EIF1B: variants seen among roughly 807,000 people sequenced by gnomAD.
EIF1B encodes the protein protein translation factor SUI1 homolog GC20.
In EIF1B, 5 loss-of-function variants were observed where a neutral mutation model predicts 14.8. The ratio of observed to expected loss-of-function variants is 0.34; its 90% CI spans 0.18 to 0.71. EIF1B has a LOEUF of 0.71. Ranked by LOEUF, EIF1B falls within the 30% of genes least tolerant of loss-of-function variation. The pLI, the probability that EIF1B is intolerant of heterozygous loss-of-function variation, is 0.64. For missense variants in EIF1B, 56 were observed against 134.0 expected, an observed-to-expected ratio of 0.42 and a Z score of 2.87; for synonymous variants, 45 against 45.8, an observed-to-expected ratio of 0.98 and a Z score of 0.07.
At chr3:40,310,299 G>T (rs1954307997) in intron 1 of EIF1B, among the ~76,000 whole-genome samples, 2 of 152,222 alleles carry the variant, frequency 1.3e-5, no homozygotes, top group Non-Finnish European at 2.9e-5. Flanking sequence ...CCTGCTACTT[G>T]CAAAGGGTAT....
intron 2 of EIF1B, 22 bp downstream of exon 2, chr3:40,311,078 G>A (rs551375221): frequency 6.2e-7 from 1 of 1,610,628 alleles, no homozygotes; most frequent in Non-Finnish European, 8.5e-7. Context: ...AGGAAGAAAG[G>A]ATTAGAGTTA....
chr3:40,311,449 T>A, intron 2 of EIF1B, 21 bp from the exon 3 acceptor site: 1 of 1,576,662 alleles, frequency 6.3e-7, no homozygotes, highest in Non-Finnish European at 8.7e-7. Flanking sequence ...AATTTTGTTG[T>A]ATATTTATGC....
At chr3:40,310,177 G>A (rs541729939) in intron 1 of EIF1B, among the ~76,000 whole-genome samples, 12 of 152,338 alleles carry the variant, frequency 7.9e-5, no homozygotes, top group Admixed American at 1.3e-4. Context: ...TCCTCTCGGA[G>A]CCCCGGCCGC....
At chr3:40,310,764 A>G in intron 1 of EIF1B, 129 bp from the exon 2 acceptor site, 1 of 1,022,524 alleles carries the variant, frequency 9.8e-7, no homozygotes, top group South Asian at 2.1e-5. Flanking sequence ...CCTACCGGCA[A>G]AAACAGCAAA....
chr3:40,312,201 C>G lies in EIF1B; in HGVS notation c.*187C>G, dbSNP rs1954333579. 1.8e-6 allele frequency: 1 copy of G among 556,222 alleles called. No individual in the cohort carries two copies. 34.5% of individuals were successfully genotyped at this position (556,222 alleles called of 1,614,324 possible). ...AGACTAGTAACACATAAGAAAATTGCAGTAAGATGGTAACAAAACCTCATA... is the reference window on the plus strand; with the variant it reads ...AGACTAGTAACACATAAGAAAATTGGAGTAAGATGGTAACAAAACCTCATA... On this transcript the variant is annotated 3_prime_UTR_variant, in exon 4 of 4. Transcript: ENST00000232905.
At chr3:40,310,497 A>G (rs1433061649) in intron 1 of EIF1B, 1 of 186,432 alleles carries the variant, frequency 5.4e-6, no homozygotes, top group African/African-American at 2.3e-5. Context: ...GGCAAGGCAC[A>G]GTTACGGTTA....
rs767428996 is a variant in EIF1B, at chr3:40,309,896, G to T, written c.-46G>T. The T allele has an allele frequency of 1.2e-6, 2 of 1,607,576 alleles. No individual in the cohort carries two copies. Among genetic ancestry groups the T allele is most frequent in the South Asian group, 2.2e-5 (2 of 90,946 alleles). ...CCTCCTGACAAGGTGATCCGGGCGG[G>T]CCCCGCAGGAATTTTATCCCCTCAC... On this transcript the variant is annotated 5_prime_UTR_variant, in exon 1 of 4. Coordinates refer to ENST00000232905, the MANE Select transcript of EIF1B (RefSeq NM_005875.3).
chr3:40,309,772 T>C lies in EIF1B; in HGVS notation c.-170T>C, dbSNP rs2125569177. 2 of 724,060 alleles carry C rather than the reference T, an allele frequency of 2.8e-6. No individual in the cohort carries two copies. The highest frequency in any genetic ancestry group is 2.4e-5 in the Admixed American group (1 of 40,942). 44.9% of individuals were successfully genotyped at this position (724,060 alleles called of 1,614,324 possible). On this transcript the variant is annotated 5_prime_UTR_variant, in exon 1 of 4. Coordinates refer to ENST00000232905, the MANE Select transcript of EIF1B (RefSeq NM_005875.3). ...CTTCCTCCGCCTCCTCCTTCGCCTC[T>C]TCCTGCCTCCTCCCGGCTTCCGCCG...
Position 40,309,828 on chromosome 3 carries a change from G to A in EIF1B, c.-114G>A. 2 of 1,322,746 alleles carry A rather than the reference G, an allele frequency of 1.5e-6. No individual in the cohort carries two copies. The allele number at this position is 1,322,746 out of a possible 1,614,324, so 81.9% of individuals were successfully genotyped here. A position where few individuals can be genotyped will look rare whatever the true frequency, so the allele number is the denominator to read the frequency against. ...ACTCCAGCCTAATCCCAACCCCAGG[G>A]CGAAGCGTTTTCTTATTTATTTCCG... On this transcript the variant is annotated 5_prime_UTR_variant, in exon 1 of 4. Transcript: ENST00000232905.
rs878988278 is a variant in EIF1B at position 40,312,284 on chromosome 3, C to T, written c.*270C>T. The T allele has an allele frequency of 2.8e-5, 8 of 290,590 alleles. No homozygotes were observed. In the South Asian group the frequency reaches 4.8e-4, roughly 17 times the overall value. The allele number at this position is 290,590 out of a possible 1,614,324, so 18.0% of individuals were successfully genotyped here. A position where few individuals can be genotyped will look rare whatever the true frequency, so the allele number is the denominator to read the frequency against. Reference sequence around the variant, plus strand: ...TGAGTGTTTATTGTTCAGTTTATTACGTTTCACTTGATTAAATTTTTTTGT... The same window carrying T: ...TGAGTGTTTATTGTTCAGTTTATTATGTTTCACTTGATTAAATTTTTTTGT... On this transcript the variant is annotated 3_prime_UTR_variant, in exon 4 of 4. Coordinates refer to ENST00000232905, the MANE Select transcript of EIF1B (RefSeq NM_005875.3).
Position 40,311,574 on chromosome 3 carries a change from G to A in EIF1B, c.297+3G>A. On this transcript the variant is annotated splice_donor_region_variant and intron_variant, in intron 3 of 3. Transcript: ENST00000232905. The stretch of plus-strand genomic sequence containing the variant: ...ACATCTGCCAGTTTCTCTTGGAGGT[G>A]AGTGATTGGGTGCTTTATGTGTAAC... 6.2e-7 allele frequency: 1 copy of A among 1,608,020 alleles called. No individual in the cohort carries two copies. Among genetic ancestry groups the A allele is most frequent in the Non-Finnish European group, 8.5e-7 (1 of 1,175,092 alleles).
intron 1 of EIF1B, 74 bp downstream of exon 1, chr3:40,310,046 C>A: frequency 6.3e-7 from 1 of 1,584,396 alleles, no homozygotes; most frequent in Non-Finnish European, 8.6e-7. Context: ...TGGCCACCGC[C>A]CCTAGGGGCC....
chr3:40,311,137 G>T (rs1279708222), intron 2 of EIF1B, 81 bp downstream of exon 2: 7 of 1,373,332 alleles, frequency 5.1e-6, no homozygotes, highest in Non-Finnish European at 6.9e-6. Context: ...TTATATCGGC[G>T]TGGATGAAAA....
intron 1 of EIF1B, 32 bp from the exon 2 acceptor site, chr3:40,310,861 T>G: frequency 6.6e-7 from 1 of 1,522,680 alleles, no homozygotes; most frequent in Non-Finnish European, 8.8e-7. Flanking sequence ...TTTTCTACTT[T>G]GGATTTTTTT....
rs1435261190 is a variant in EIF1B, at chr3:40,309,722, C to T, written c.-220C>T. 6.9e-6 allele frequency: 4 copies of T among 577,592 alleles called. No individual in the cohort carries two copies. The highest frequency in any genetic ancestry group is 3.8e-5 in the African/African-American group (2 of 52,968). 35.8% of individuals were successfully genotyped at this position (577,592 alleles called of 1,614,324 possible). ...CATTTTGTGCGAGAAGCCGCAGCGC[C>T]GCCTCTTCTCTCGCGCCCTCGCCTC... is the stretch of plus-strand genomic sequence containing the variant. On this transcript the variant is annotated 5_prime_UTR_variant, in exon 1 of 4. Transcript: ENST00000232905.
chr3:40,309,725 C>G lies in EIF1B; in HGVS notation c.-217C>G, dbSNP rs1311388495. 3.4e-6 allele frequency: 2 copies of G among 581,862 alleles called. No homozygotes were observed. Among genetic ancestry groups the G allele is most frequent in the Non-Finnish European group, 6.1e-6 (2 of 330,008 alleles). The allele number at this position is 581,862 out of a possible 1,614,324, so 36.0% of individuals were successfully genotyped here. A position where few individuals can be genotyped will look rare whatever the true frequency, so the allele number is the denominator to read the frequency against. On this transcript the variant is annotated 5_prime_UTR_variant, in exon 1 of 4. Transcript: ENST00000232905. ...TTTGTGCGAGAAGCCGCAGCGCCGC[C>G]TCTTCTCTCGCGCCCTCGCCTCTTC...
rs1193366133 is a variant in EIF1B, at chr3:40,309,707, G to T, written c.-235G>T. On this transcript the variant is annotated 5_prime_UTR_variant, in exon 1 of 4. Coordinates refer to ENST00000232905, the MANE Select transcript of EIF1B (RefSeq NM_005875.3). ...ATAGTCTCCATCGGCCATTTTGTGC[G>T]AGAAGCCGCAGCGCCGCCTCTTCTC... 1 of 552,638 alleles carries T rather than the reference G, an allele frequency of 1.8e-6. No homozygotes were observed. Among genetic ancestry groups the T allele is most frequent in the Non-Finnish European group, 3.2e-6 (1 of 311,656 alleles). The allele number at this position is 552,638 out of a possible 1,614,324, so 34.2% of individuals were successfully genotyped here. A position where few individuals can be genotyped will look rare whatever the true frequency, so the allele number is the denominator to read the frequency against.
At position 40,311,035 on chromosome 3, in the gene EIF1B, A is replaced by T; in HGVS notation, c.174A>T (p.Lys58Asn). 6.2e-7 allele frequency: 1 copy of T among 1,613,876 alleles called. No homozygotes were observed. Among genetic ancestry groups the T allele is most frequent in the Non-Finnish European group, 8.5e-7 (1 of 1,179,936 alleles). The stretch of plus-strand genomic sequence containing the variant: ...TTGCAGATGATTATGACAAAAAGAA[A>T]CTTGTGAAAGCTTTCAAAAAGGTAA... ...QGIADDYDKK[K>N]LVKAFKKKFA... The change falls in exon 2 of 4, where the codon AAA (lysine) becomes AAT (asparagine). Residue 58 changes from lysine to asparagine, a missense_variant. By Grantham distance (94) the Lys-to-Asn change is moderately conservative. Transcript: ENST00000232905.
At chr3:40,310,005 G>C (rs775378360) in intron 1 of EIF1B, 33 bp downstream of exon 1, 1 of 1,612,578 alleles carries the variant, frequency 6.2e-7, no homozygotes, top group Non-Finnish European at 8.5e-7. Context: ...TCCCTCCCTT[G>C]CCCGGCGCGC....
Sources: gnomAD v4.1 joint callset for allele counts (sites outside exome capture counted in the v4.1 genomes callset) on GRCh38, gnomAD v4.1.1 for gene constraint, MANE v1.5 for transcripts, NCBI Gene and HGNC (gene_info 2026-07-23, HGNC 2026-07-21) for gene names.